Variants in GPR108 observed in about 807,000 individuals in gnomAD.
The protein encoded by GPR108 is protein GPR108.
In GPR108, 60 loss-of-function variants were observed where a neutral mutation model predicts 74.3. The observed-to-expected ratio is 0.81, with a 90% confidence interval of 0.66 to 1.00. The LOEUF (loss-of-function observed/expected upper bound fraction) is 1.00. Ranked by LOEUF, GPR108 falls within the 50% of genes least tolerant of loss-of-function variation. The pLI is 0.00. For synonymous variants in GPR108, 311 were observed against 292.4 expected, an observed-to-expected ratio of 1.06 and a Z score of -0.65; for missense variants, 667 against 703.3, an observed-to-expected ratio of 0.95 and a Z score of 0.58.
rs763053495 is a variant in GPR108, at chr19:6,732,590, G to A, written c.934-41C>T. 7 of 1,499,576 alleles carry A rather than the reference G, an allele frequency of 4.7e-6. No individual in the cohort carries two copies. In the South Asian group the frequency reaches 6.8e-5, roughly 14 times the overall value. 92.9% of individuals were successfully genotyped at this position (1,499,576 alleles called of 1,614,324 possible). ...CAGACGGACAGTGAGGCGCACAGAG[G>A]GGTGGGAGGCTGATGGTGGTGGTGG... is the stretch of plus-strand genomic sequence containing the variant. On this transcript the variant is annotated intron_variant, in intron 10 of 17. Coordinates refer to ENST00000264080, the MANE Select transcript of GPR108 (RefSeq NM_001080452.2).
intron 2 of GPR108, 141 bp downstream of exon 2, chr19:6,736,451 A>G: frequency 1.2e-6 from 1 of 852,048 alleles, no homozygotes; most frequent in African/African-American, 1.7e-5. Flanking sequence ...AGACATCATT[A>G]CTCCCAGGTA....
chr19:6,734,349 A>C (rs1438905572), intron 4 of GPR108, 42 bp from the exon 5 acceptor site: 3 of 1,598,076 alleles, frequency 1.9e-6, no homozygotes, highest in Non-Finnish European at 2.6e-6. Context: ...GGGGGGCTGA[A>C]CTTGGCTCAG....
chr19:6,730,403 G>A lies in GPR108; in HGVS notation c.1560-19C>T, dbSNP rs754739176. ...CGTCATTCTGGGGGCAGACAGCGAGGAGGCGTCTAGCGTTGCAGGGCAGCA... is the reference window on the plus strand; with the variant it reads ...CGTCATTCTGGGGGCAGACAGCGAGAAGGCGTCTAGCGTTGCAGGGCAGCA... On this transcript the variant is annotated intron_variant, in intron 17 of 17. Coordinates refer to ENST00000264080, the MANE Select transcript of GPR108 (RefSeq NM_001080452.2). 6.2e-7 allele frequency: 1 copy of A among 1,609,596 alleles called. No individual in the cohort carries two copies. Among genetic ancestry groups the A allele is most frequent in the South Asian group, 1.1e-5 (1 of 90,964 alleles).
chr19:6,731,074 A>C lies in GPR108; in HGVS notation c.1472T>G (p.Leu491Arg), dbSNP rs1277200717. The change falls in exon 17 of 18, where the codon CTC becomes CGC. Residue 491 changes from leucine to arginine, a missense_variant. Leu to Arg is a moderately radical substitution (Grantham distance 102). Transcript: ENST00000264080. ...VEGSTLAFFV[L>R]TGYKFQPTGN... ...TGTGGGCTGGAACTTGTAGCCCGTG[A>C]GCACGAAGAAGGCCAGGGTGGAGCC... The C allele has an allele frequency of 6.2e-7, 1 of 1,613,490 alleles. No homozygotes were observed. Among genetic ancestry groups the C allele is most frequent in the Admixed American group, 1.7e-5 (1 of 59,998 alleles).
chr19:6,731,412 G>A, intron 15 of GPR108, 61 bp downstream of exon 15: 1 of 1,501,248 alleles, frequency 6.7e-7, no homozygotes, highest in South Asian at 1.3e-5. Flanking sequence ...GAGGGGCTGG[G>A]GTGGGCGTGC....
Position 6,733,608 on chromosome 19 carries a change from T to C in GPR108, c.685A>G (p.Asn229Asp), listed in dbSNP as rs572491372. The change falls in exon 8 of 18, where the codon AAT (asparagine) becomes GAT (aspartate). Residue 229 changes from asparagine to aspartate, a missense_variant. Coordinates refer to ENST00000264080, the MANE Select transcript of GPR108 (RefSeq NM_001080452.2). ...QYSLNFHNCN[N>D]SVPGKEHPFD... ...GGATGCTCCTTTCCTGGCACTGAAT[T>C]GTTGCAGTTGTGGAAGTTCAGGCTG... 1.2e-6 allele frequency: 2 copies of C among 1,614,146 alleles called. No homozygotes were observed. The highest frequency in any genetic ancestry group is 2.2e-5 in the South Asian group (2 of 91,086).
intron 4 of GPR108, 74 bp from the exon 5 acceptor site, chr19:6,734,381 G>A: frequency 2.7e-6 from 4 of 1,484,864 alleles, no homozygotes; most frequent in Non-Finnish European, 3.7e-6. Context: ...GGACTCAGTG[G>A]CCCCTTGGAC....
Position 6,733,684 on chromosome 19 carries a change from CG to C in GPR108, c.619-11del, listed in dbSNP as rs1568239354. 3 of 1,612,632 alleles carry C rather than the reference CG, an allele frequency of 1.9e-6. No individual in the cohort carries two copies. ...CGATCACCACGTGGAACTGGGCGGG[CG>C]GGGAGAGAGGAGGGCTCAGCCTGGG... On this transcript the variant is annotated splice_polypyrimidine_tract_variant and intron_variant, in intron 7 of 17. Transcript: ENST00000264080.
In GPR108 at chr19:6,730,140, G is replaced by A. The variant is rs1968325388; in HGVS notation, c.*172C>T. 3 of 640,540 alleles carry A rather than the reference G, an allele frequency of 4.7e-6. No individual in the cohort carries two copies. The highest frequency in any genetic ancestry group is 2.6e-5 in the Admixed American group (1 of 37,952). The allele number at this position is 640,540 out of a possible 1,614,324, so 39.7% of individuals were successfully genotyped here. A position where few individuals can be genotyped will look rare whatever the true frequency, so the allele number is the denominator to read the frequency against. On this transcript the variant is annotated 3_prime_UTR_variant, in exon 18 of 18. Coordinates refer to ENST00000264080, the MANE Select transcript of GPR108 (RefSeq NM_001080452.2). ...AAGGACAGGGCTGCCCAATATTTGG[G>A]GGGAGGAAGGGACTCTTCTTCCAAA... is the stretch of plus-strand genomic sequence containing the variant.
At chr19:6,733,465 TC>T in intron 8 of GPR108, 104 bp downstream of exon 8, 1 of 1,358,014 alleles carries the variant, frequency 7.4e-7, no homozygotes, top group Non-Finnish European at 1.0e-6. Context: ...AGCTCCTACT[TC>T]GCACCCGGGA....
In GPR108 at chr19:6,730,077, T is replaced by C. The variant is rs543367203; in HGVS notation, c.*235A>G. 2 of 568,706 alleles carry C rather than the reference T, an allele frequency of 3.5e-6. No homozygotes were observed. The highest frequency in any genetic ancestry group is 2.0e-5 in the South Asian group (1 of 49,966). The allele number at this position is 568,706 out of a possible 1,614,324, so 35.2% of individuals were successfully genotyped here. A position where few individuals can be genotyped will look rare whatever the true frequency, so the allele number is the denominator to read the frequency against. On this transcript the variant is annotated 3_prime_UTR_variant, in exon 18 of 18. Coordinates refer to ENST00000264080, the MANE Select transcript of GPR108 (RefSeq NM_001080452.2). ...GCGTAGCCAAACAGATTGGTCATTA[T>C]TGTACACATAGCTGGAAGGGAGGGG...
chr19:6,731,181 C>T lies in GPR108; in HGVS notation c.1434+18G>A. On this transcript the variant is annotated intron_variant, in intron 16 of 17. Transcript: ENST00000264080. ...CCACCGTGGCCGCCCTCCCGTCCCACCTGGGCCTCGGGCTCACCTGGTACA... is the reference window on the plus strand; with the variant it reads ...CCACCGTGGCCGCCCTCCCGTCCCATCTGGGCCTCGGGCTCACCTGGTACA... 1 of 1,602,934 alleles carries T rather than the reference C, an allele frequency of 6.2e-7. No homozygotes were observed. Among genetic ancestry groups the T allele is most frequent in the African/African-American group, 1.3e-5 (1 of 74,810 alleles).
At chr19:6,730,676 C>T (rs1314994043) in intron 17 of GPR108, 8 of 564,372 alleles carry the variant, frequency 1.4e-5, no homozygotes, top group Non-Finnish European at 2.5e-5. Context: ...CAGGCCCCAC[C>T]CGTTCTACCC....
Position 6,732,170 on chromosome 19 carries a change from G to C in GPR108, c.1126-15C>G, listed in dbSNP as rs768979075. The C allele has an allele frequency of 5.0e-6, 8 of 1,613,082 alleles. No individual in the cohort carries two copies. The highest frequency in any genetic ancestry group is 6.8e-6 in the Non-Finnish European group (8 of 1,179,940). The stretch of plus-strand genomic sequence containing the variant: ...TTGGCCAGGACCTGCGCAGGCGGCG[G>C]GGGTGGGTGGGCACTGCCTGGCACG... On this transcript the variant is annotated splice_polypyrimidine_tract_variant and intron_variant, in intron 12 of 17. Coordinates refer to ENST00000264080, the MANE Select transcript of GPR108 (RefSeq NM_001080452.2).
At chr19:6,731,839 C>A (rs2145467428) in intron 14 of GPR108, 52 bp downstream of exon 14, 1 of 1,601,606 alleles carries the variant, frequency 6.2e-7, no homozygotes, top group East Asian at 2.2e-5. Flanking sequence ...AAAGAAGGGC[C>A]CGGAGGAGGA....
rs1968580026 is a variant in GPR108 at position 6,735,103 on chromosome 19, G to A, written c.374+519C>T. 2.6e-5 allele frequency among the ~76,000 whole-genome samples: 4 copies of A among 152,154 alleles called. No individual in the cohort carries two copies. The South Asian group carries it at 8.3e-4, about 32-fold the overall frequency. On this transcript the variant is annotated intron_variant, in intron 4 of 17. Coordinates refer to ENST00000264080, the MANE Select transcript of GPR108 (RefSeq NM_001080452.2). ...GACAAGGTTTTGCCATGTTGCCCAG[G>A]CTGGTCTACAATTCCTGGGCCCAAG...
chr19:6,736,919 G>C, intron 1 of GPR108: 1 of 638,832 alleles, frequency 1.6e-6, no homozygotes, highest in Non-Finnish European at 2.6e-6. Context: ...TGAGAACCCA[G>C]GAACAGAGAT....
chr19:6,732,408 T>G lies in GPR108; in HGVS notation c.1008-28A>C. The stretch of plus-strand genomic sequence containing the variant: ...GAAGGAGCAGGGGAGGGCGTGATGA[T>G]GAGGTGGGGGGCCAACCCTCCCCTG... On this transcript the variant is annotated intron_variant, in intron 11 of 17. Coordinates refer to ENST00000264080, the MANE Select transcript of GPR108 (RefSeq NM_001080452.2). 3 of 1,611,612 alleles carry G rather than the reference T, an allele frequency of 1.9e-6. No homozygotes were observed. The South Asian group carries it at 3.3e-5, about 18-fold the overall frequency.
chr19:6,732,564 A>T lies in GPR108; in HGVS notation c.934-15T>A. ...TAGTAGTTGATCTGGGGGTGGATGGACAGACGGACAGTGAGGCGCACAGAG... is the reference window on the plus strand; with the variant it reads ...TAGTAGTTGATCTGGGGGTGGATGGTCAGACGGACAGTGAGGCGCACAGAG... On this transcript the variant is annotated splice_polypyrimidine_tract_variant and intron_variant, in intron 10 of 17. Coordinates refer to ENST00000264080, the MANE Select transcript of GPR108 (RefSeq NM_001080452.2). 1 of 1,609,342 alleles carries T rather than the reference A, an allele frequency of 6.2e-7. No individual in the cohort carries two copies. Among genetic ancestry groups the T allele is most frequent in the Non-Finnish European group, 8.5e-7 (1 of 1,176,620 alleles).
Sources: gnomAD v4.1 joint callset for allele counts (sites outside exome capture counted in the v4.1 genomes callset) on GRCh38, gnomAD v4.1.1 for gene constraint, MANE v1.5 for transcripts, NCBI Gene and HGNC (gene_info 2026-07-23, HGNC 2026-07-21) for gene names.